The following RASSF6 variants were observed in gnomAD, a reference collection of about 807,000 sequenced individuals.
RASSF6 encodes the protein ras association domain-containing protein 6.
RASSF6 carries 52 observed loss-of-function variants against 44.0 expected under a neutral mutation model. The observed-to-expected ratio is 1.18, with a 90% CI of 0.95 to 1.49. The LOEUF is 1.49. Ranked by LOEUF, RASSF6 falls within the 40% of genes most tolerant of loss-of-function variation. The pLI is 0.00. For missense variants in RASSF6, 464 were observed against 393.3 expected (o/e 1.18, Z -1.52); for synonymous variants, 162 against 124.6 (o/e 1.30, Z -2.00).
intron 1 of RASSF6, chr4:73,615,860 C>G: frequency 6.5e-7 from 1 of 1,543,754 alleles, no homozygotes; most frequent in Non-Finnish European, 8.8e-7. Flanking sequence ...GCTCTGCATT[C>G]CTGCCTAGAG....
chr4:73,593,209 T>G (rs1312278084), intron 4 of RASSF6, among the ~76,000 whole-genome samples: 1 of 151,936 alleles, frequency 6.6e-6, no homozygotes, highest in East Asian at 1.9e-4. Flanking sequence ...AGAGACAGGG[T>G]TTCATCATGT....
chr4:73,615,993 C>A (rs1312100207), intron 1 of RASSF6: 1 of 1,443,672 alleles, frequency 6.9e-7, no homozygotes, highest in Admixed American at 2.0e-5. Flanking sequence ...TGTTATCCAA[C>A]CATGAGTTAA....
chr4:73,607,782 A>G lies in RASSF6; in HGVS notation c.65+3949T>C, dbSNP rs80331431. The stretch of plus-strand genomic sequence containing the variant: ...AGGCTCAGGTTTGAGCTACAGCTTC[A>G]GATTGCAAGCTCCACAAGAGTAGGA... On this transcript the variant is annotated intron_variant, in intron 2 of 10. Transcript: ENST00000307439. Among the ~76,000 whole-genome samples, 113 of 152,240 alleles carry G rather than the reference A, an allele frequency of 7.4e-4. 5 individuals carry two copies. The highest frequency in any genetic ancestry group is 2.6e-3 in the African/African-American group (106 of 41,536).
intron 2 of RASSF6, among the ~76,000 whole-genome samples, chr4:73,606,950 G>A (rs529091458): frequency 6.6e-6 from 1 of 152,278 alleles, no homozygotes; most frequent in East Asian, 1.9e-4. Context: ...GTGATTCCCA[G>A]GGCCATCAAC....
chr4:73,597,215 A>G (rs1250950288), intron 3 of RASSF6, among the ~76,000 whole-genome samples: 2 of 152,212 alleles, frequency 1.3e-5, no homozygotes, highest in African/African-American at 4.8e-5. Context: ...ATTTTTGCAA[A>G]CTATGCATCT....
intron 5 of RASSF6, among the ~76,000 whole-genome samples, chr4:73,586,549 T>C (rs1401607377): frequency 6.6e-6 from 1 of 151,982 alleles, no homozygotes; most frequent in Admixed American, 6.6e-5. Context: ...TTTCCTCTCC[T>C]ATGCATATTC....
At chr4:73,593,709 C>G (rs984754429) in intron 3 of RASSF6, 116 bp from the exon 4 acceptor site, 2 of 950,524 alleles carry the variant, frequency 2.1e-6, no homozygotes, top group Non-Finnish European at 3.2e-6. Flanking sequence ...TAAAAAGAAA[C>G]GCCAGGGTTG....
intron 3 of RASSF6, 109 bp from the exon 4 acceptor site, chr4:73,593,702 A>G: frequency 9.8e-7 from 1 of 1,025,468 alleles, no homozygotes; most frequent in Non-Finnish European, 1.5e-6. Flanking sequence ...AATAGATTAA[A>G]AAGAAACGCC....
At position 73,607,827 on chromosome 4, in the gene RASSF6, C is replaced by G. The variant is rs111586773; in HGVS notation, c.65+3904G>C. On this transcript the variant is annotated intron_variant, in intron 2 of 10. Coordinates refer to ENST00000307439, the MANE Select transcript of RASSF6 (RefSeq NM_177532.5). ...GTAGGACAGCTACCTCCTCTCCTCT[C>G]CTCTCCTCTCCCCTCCCTACCCCTC... 1.6e-3 allele frequency among the ~76,000 whole-genome samples: 243 copies of G among 151,752 alleles called. 3 individuals are homozygous for G. Among genetic ancestry groups the G allele is most frequent in the African/African-American group, 5.6e-3 (231 of 41,316 alleles).
chr4:73,608,047 T>C (rs1725768053), intron 2 of RASSF6, among the ~76,000 whole-genome samples: 1 of 125,162 alleles, frequency 8.0e-6, no homozygotes, highest in Admixed American at 8.3e-5. Context: ...CCCTCCCCTC[T>C]CCTCTCCCCC....
chr4:73,588,072 TATG>T, intron 4 of RASSF6, 138 bp from the exon 5 acceptor site: 1 of 481,904 alleles, frequency 2.1e-6, no homozygotes, highest in South Asian at 4.4e-5. Context: ...ATAACAATTT[TATG>T]ATATTATTAA....
chr4:73,610,986 C>A (rs1745288), intron 2 of RASSF6, among the ~76,000 whole-genome samples: 150,158 of 152,278 alleles, frequency 0.99, 74,061 homozygotes, highest in East Asian at 1. Flanking sequence ...TATCTTTCAG[C>A]TGTGGCTTTA....
rs1320885544 is a variant in RASSF6, at chr4:73,582,252, C to G, written c.606G>C (p.Lys202Asn). ...IFIPAFESET[K>N]VRVNSNMRTE... ...TTCTCATGTTACTGTTTACTCTGAC[C>G]TTAGTTTCTGATTCAAAGGCTGGAA... The change falls in exon 7 of 11, where the codon AAG (lysine) becomes AAC (asparagine). Residue 202 changes from lysine (K) to asparagine (N), a missense_variant. By Grantham distance (94) the Lys-to-Asn change is moderately conservative (BLOSUM62 0). Transcript: ENST00000307439. 1.7e-5 allele frequency: 27 copies of G among 1,595,810 alleles called. No individual in the cohort carries two copies. Among genetic ancestry groups the G allele is most frequent in the Non-Finnish European group, 2.3e-5 (27 of 1,169,034 alleles).
chr4:73,582,328 A>T, intron 6 of RASSF6, 38 bp from the exon 7 acceptor site: 1 of 1,086,992 alleles, frequency 9.2e-7, no homozygotes, highest in Non-Finnish European at 1.4e-6. Context: ...TTAAAATTAT[A>T]TTATATTAAG....
Position 73,587,901 on chromosome 4 carries a change from A to C in RASSF6, c.321T>G (p.Tyr107Ter). The change falls in exon 5 of 11, where the codon TAT becomes TAG. Residue 107 changes from tyrosine to a stop codon, truncating the protein, a stop_gained. Transcript: ENST00000307439. LOFTEE classifies it high-confidence loss of function. ...MTRWGEFDDL[Y>*]RISELDRTQI... is the part of the protein sequence containing the mutation. ...GGGTCCTGTCCAGCTCACTAATACG[A>C]TAGAGATCGTCAAATTCCCCCCAGC... The C allele has an allele frequency of 6.2e-7, 1 of 1,610,238 alleles. No homozygotes were observed. The highest frequency in any genetic ancestry group is 8.5e-7 in the Non-Finnish European group (1 of 1,177,292).
At chr4:73,602,834 A>G (rs1725365019) in intron 2 of RASSF6, among the ~76,000 whole-genome samples, 1 of 152,122 alleles carries the variant, frequency 6.6e-6, no homozygotes, top group Non-Finnish European at 1.5e-5. Flanking sequence ...CATGCCTGTA[A>G]TCCCAGTACT....
intron 2 of RASSF6, among the ~76,000 whole-genome samples, chr4:73,600,184 CT>C (rs1385394664): frequency 6.6e-6 from 1 of 152,058 alleles, no homozygotes; most frequent in African/African-American, 2.4e-5. Context: ...TACTTATTTC[CT>C]TATGTTCTGT....
At chr4:73,594,580 T>C (rs1346290290) in intron 3 of RASSF6, among the ~76,000 whole-genome samples, 1 of 152,194 alleles carries the variant, frequency 6.6e-6, no homozygotes, top group Non-Finnish European at 1.5e-5. Flanking sequence ...GCGCCTGGCA[T>C]TCAATAGGTG....
chr4:73,608,536 A>T (rs915284109), intron 2 of RASSF6, among the ~76,000 whole-genome samples: 23 of 152,228 alleles, frequency 1.5e-4, no homozygotes, highest in African/African-American at 4.3e-4. Context: ...TCACTGGGTC[A>T]TCAAACATGG....
Sources: gnomAD v4.1 joint callset for allele counts (sites outside exome capture counted in the v4.1 genomes callset) on GRCh38, gnomAD v4.1.1 for gene constraint, MANE v1.5 for transcripts, NCBI Gene and HGNC (gene_info 2026-07-23, HGNC 2026-07-21) for gene names.